SLC5A5: variants seen among roughly 807,000 people sequenced by gnomAD.
The protein encoded by SLC5A5 is sodium/iodide cotransporter.
A neutral mutation model predicts 68.6 loss-of-function variants in SLC5A5; 56 were observed. That is an observed-to-expected ratio of 0.82 (90% CI 0.66 to 1.02). SLC5A5 has a LOEUF of 1.02. SLC5A5 is among the 50% of genes least tolerant of loss of function. The probability of loss-of-function intolerance (pLI) is 0.00; values close to 1 mark genes in which losing one functional copy is unlikely to be tolerated. For synonymous variants in SLC5A5, 398 were observed against 373.0 expected (o/e 1.07, Z -0.77); for missense variants, 807 against 859.8 (o/e 0.94, Z 0.77).
rs141982513 is a variant in SLC5A5 at position 17,880,744 on chromosome 19, T to C, written c.970-121T>C. The stretch of plus-strand genomic sequence containing the variant: ...ACCACAGACAAAAACTAAATGCATA[T>C]TAAATGCCGACTCTGAGCCCTGTCC... On this transcript the variant is annotated intron_variant, in intron 7 of 14. Coordinates refer to ENST00000222248, the MANE Select transcript of SLC5A5 (RefSeq NM_000453.3). The C allele has an allele frequency of 1.3e-4, 101 of 763,302 alleles. 1 individual carries two copies. In the East Asian group the frequency reaches 2.5e-3, roughly 19 times the overall value. 47.3% of individuals were successfully genotyped at this position (763,302 alleles called of 1,614,324 possible).
chr19:17,884,045 A>G lies in SLC5A5; in HGVS notation c.1525A>G (p.Ser509Gly). 3 of 1,560,910 alleles carry G rather than the reference A, an allele frequency of 1.9e-6. No individual in the cohort carries two copies. The highest frequency in any genetic ancestry group is 2.6e-6 in the Non-Finnish European group (3 of 1,155,746). Reference sequence around the variant, plus strand: ...TGCTAACGACTCCAGCAGGGCCCCCAGGTGAGCAGACTTGAGGGTAGGGGG... The same window carrying G: ...TGCTAACGACTCCAGCAGGGCCCCCGGGTGAGCAGACTTGAGGGTAGGGGG... Reference protein sequence around the residue: ...LPANDSSRAPSSGMDASRPAL... With the variant: ...LPANDSSRAPGSGMDASRPAL... The change falls in exon 12 of 15, where the codon AGC becomes GGC. Residue 509 changes from serine to glycine, a missense_variant and splice_region_variant. Coordinates refer to ENST00000222248, the MANE Select transcript of SLC5A5 (RefSeq NM_000453.3).
At chr19:17,887,987 A>G (rs916410471) in intron 12 of SLC5A5, among the ~76,000 whole-genome samples, 2 of 152,134 alleles carry the variant, frequency 1.3e-5, no homozygotes, top group East Asian at 1.9e-4. Flanking sequence ...CTAAGAAACA[A>G]TTGCAGTCAC....
At chr19:17,880,470 C>T (rs1274438418) in intron 7 of SLC5A5, among the ~76,000 whole-genome samples, 1 of 152,200 alleles carries the variant, frequency 6.6e-6, no homozygotes, top group African/African-American at 2.4e-5. Context: ...CCGCCTCGGC[C>T]TCCCGAAGTG....
rs1309373113 is a variant in SLC5A5, at chr19:17,878,089, A to T, written c.965A>T (p.Asp322Val). The change falls in exon 7 of 15, where the codon GAC becomes GTC. Residue 322 changes from aspartate (D) to valine (V), a missense_variant. Transcript: ENST00000222248. ...PLLLGRISAP[D>V]QYMPLLVLDI... is the part of the protein sequence containing the mutation. ...CTCCTGGGGCGCATCTCTGCCCCAGACCAGGTGAGTCCCACCCAGGCTCCT... is the reference window on the plus strand; with the variant it reads ...CTCCTGGGGCGCATCTCTGCCCCAGTCCAGGTGAGTCCCACCCAGGCTCCT... The T allele has an allele frequency of 5.0e-6, 8 of 1,610,990 alleles. No homozygotes were observed. The highest frequency in any genetic ancestry group is 6.8e-6 in the Non-Finnish European group (8 of 1,180,008).
At chr19:17,886,173 G>T (rs1381675724) in intron 12 of SLC5A5, among the ~76,000 whole-genome samples, 3 of 148,896 alleles carry the variant, frequency 2.0e-5, no homozygotes, top group Non-Finnish European at 4.5e-5. Flanking sequence ...TCCAGTCTGG[G>T]TAACAGAGTG....
chr19:17,872,345 G>A lies in SLC5A5; in HGVS notation c.26G>A (p.Arg9Gln). The change falls in exon 1 of 15, where the codon CGG (arginine) becomes CAG (glutamine). Residue 9 changes from arginine (R) to glutamine (Q), a missense_variant. Coordinates refer to ENST00000222248, the MANE Select transcript of SLC5A5 (RefSeq NM_000453.3). Reference protein sequence around the residue: MEAVETGERPTFGAWDYGV... With the variant: MEAVETGEQPTFGAWDYGV... ...ATGGAGGCCGTGGAGACCGGGGAAC[G>A]GCCCACCTTCGGAGCCTGGGACTAC... 2 of 1,584,044 alleles carry A rather than the reference G, an allele frequency of 1.3e-6. No individual in the cohort carries two copies. Among genetic ancestry groups the A allele is most frequent in the Non-Finnish European group, 8.6e-7 (1 of 1,165,998 alleles).
At position 17,894,143 on chromosome 19, in the gene SLC5A5, C is replaced by CTT. The variant is rs772763011; in HGVS notation, c.*287_*288dup. 0.012 allele frequency: 3,044 copies of CTT among 262,246 alleles called. 122 individuals carry two copies. The highest frequency in any genetic ancestry group is 0.065 in the African/African-American group (2,131 of 32,950). The allele number at this position is 262,246 out of a possible 1,614,324, so 16.2% of individuals were successfully genotyped here. A position where few individuals can be genotyped will look rare whatever the true frequency, so the allele number is the denominator to read the frequency against. On this transcript the variant is annotated 3_prime_UTR_variant, in exon 15 of 15. Transcript: ENST00000222248. ...AATAAGGCTGGGTTTTTCTCTCTCTCTTTTTTTTTTTTTTTTTTTTTTGAG... is the reference window on the plus strand; with the variant it reads ...AATAAGGCTGGGTTTTTCTCTCTCTCTTTTTTTTTTTTTTTTTTTTTTTTGAG...
rs1423833979 is a variant in SLC5A5, at chr19:17,875,998, T to G, written c.590T>G (p.Val197Gly). The change falls in exon 5 of 15, where the codon GTG (valine) becomes GGG (glycine). Residue 197 changes from valine to glycine, a missense_variant. By Grantham distance (109) the Val-to-Gly change is moderately radical (BLOSUM62 -3). Coordinates refer to ENST00000222248, the MANE Select transcript of SLC5A5 (RefSeq NM_000453.3). ...TGGACTGATGTGTTCCAGGTCGTGG[T>G]GATGCTAAGTGGCTTCTGGGTTGTC... ...VVWTDVFQVV[V>G]MLSGFWVVLA... The G allele has an allele frequency of 6.2e-7, 1 of 1,614,146 alleles. No homozygotes were observed. The highest frequency in any genetic ancestry group is 8.5e-7 in the Non-Finnish European group (1 of 1,180,012).
In SLC5A5 at chr19:17,894,143, CTTTTTTTTTT is replaced by C. The variant is rs772763011; in HGVS notation, c.*279_*288del. 8.4e-4 allele frequency: 221 copies of C among 263,128 alleles called. 1 individual carries two copies. Among genetic ancestry groups the C allele is most frequent in the Middle Eastern group, 5.4e-3 (4 of 738 alleles). 16.3% of individuals were successfully genotyped at this position (263,128 alleles called of 1,614,324 possible). On this transcript the variant is annotated 3_prime_UTR_variant, in exon 15 of 15. Transcript: ENST00000222248. ...AATAAGGCTGGGTTTTTCTCTCTCT[CTTTTTTTTTT>C]TTTTTTTTTTTTGAGACAGGGTCAT...
chr19:17,884,008 G>T lies in SLC5A5; in HGVS notation c.1488G>T (p.Pro496=). The T allele has an allele frequency of 1.3e-6, 2 of 1,572,950 alleles. No homozygotes were observed. The highest frequency in any genetic ancestry group is 1.2e-5 in the South Asian group (1 of 85,980). Residue 496 remains proline (P), a synonymous_variant, in exon 12 of 15, where the codon CCG becomes CCT. Coordinates refer to ENST00000222248, the MANE Select transcript of SLC5A5 (RefSeq NM_000453.3). ...TCAACGCCTCTGGCCTCCTGGACCC[G>T]GCTCTCCTCCCTGCTAACGACTCCA... The part of the protein sequence containing the change: ...LSVNASGLLD[P]ALLPANDSSR...
In SLC5A5 at chr19:17,894,015, A is replaced by AC. The variant is rs2030309601; in HGVS notation, c.*141dup. 5 of 846,004 alleles carry AC rather than the reference A, an allele frequency of 5.9e-6. No homozygotes were observed. In the Admixed American group the frequency reaches 9.0e-5, roughly 15 times the overall value. 52.4% of individuals were successfully genotyped at this position (846,004 alleles called of 1,614,324 possible). A position where few individuals can be genotyped will look rare whatever the true frequency, so the allele number is the denominator to read the frequency against. ...AATGAGTTCAGGACTACAATACCCT[A>AC]CCCTATGGGGAGGCCCTGCCTCCGG... On this transcript the variant is annotated 3_prime_UTR_variant, in exon 15 of 15. Transcript: ENST00000222248.
intron 12 of SLC5A5, among the ~76,000 whole-genome samples, chr19:17,886,851 C>G (rs2029941267): frequency 6.6e-6 from 1 of 152,130 alleles, no homozygotes; most frequent in Admixed American, 6.6e-5. Flanking sequence ...GGAGAAATGT[C>G]TATTCAAACC....
Position 17,887,541 on chromosome 19 carries a change from C to T in SLC5A5, c.1527-790C>T, listed in dbSNP as rs571293937. On this transcript the variant is annotated intron_variant, in intron 12 of 14. Transcript: ENST00000222248. ...ACTCCTGACCTCAGCCTGCCTCAGC[C>T]TCCCAAAGTGCTAGGATTACAGGCA... Among the ~76,000 whole-genome samples, 13 of 151,816 alleles carry T rather than the reference C, an allele frequency of 8.6e-5. No homozygotes were observed. In the East Asian group the frequency reaches 2.5e-3, roughly 29 times the overall value.
rs1325497143 is a variant in SLC5A5, at chr19:17,894,148, T to C, written c.*271T>C. The C allele has an allele frequency of 3.2e-6, 1 of 308,612 alleles. No individual in the cohort carries two copies. Among genetic ancestry groups the C allele is most frequent in the Non-Finnish European group, 6.1e-6 (1 of 164,434 alleles). 19.1% of individuals were successfully genotyped at this position (308,612 alleles called of 1,614,324 possible). ...GGCTGGGTTTTTCTCTCTCTCTTTT[T>C]TTTTTTTTTTTTTTTTTGAGACAGG... On this transcript the variant is annotated 3_prime_UTR_variant, in exon 15 of 15. Coordinates refer to ENST00000222248, the MANE Select transcript of SLC5A5 (RefSeq NM_000453.3).
intron 12 of SLC5A5, 93 bp from the exon 13 acceptor site, chr19:17,888,238 G>C: frequency 6.7e-7 from 1 of 1,487,814 alleles, no homozygotes; most frequent in Non-Finnish European, 9.3e-7. Flanking sequence ...CATGGCAGTT[G>C]GGGGAAGGAA....
chr19:17,872,754 TTGGGCCGC>T, intron 1 of SLC5A5, 78 bp downstream of exon 1: 1 of 953,590 alleles, frequency 1.0e-6, no homozygotes, highest in Admixed American at 1.8e-5. Context: ...CGCTGGGGCT[TTGGGCCGC>T]TGTACAGGAG....
chr19:17,874,070 C>A, intron 1 of SLC5A5, 68 bp from the exon 2 acceptor site: 1 of 1,141,758 alleles, frequency 8.8e-7, no homozygotes, highest in Non-Finnish European at 1.3e-6. Flanking sequence ...AGAGAGCAGA[C>A]CAGGGACCCG....
intron 12 of SLC5A5, among the ~76,000 whole-genome samples, 157 bp downstream of exon 12, chr19:17,884,203 G>A (rs59022063): frequency 0.017 from 2,630 of 152,294 alleles, 79 homozygotes; most frequent in African/African-American, 0.06. Context: ...GCCACAATCG[G>A]GTTAGTCCCA....
In SLC5A5 at chr19:17,882,882, A is replaced by C. The variant is rs11882841; in HGVS notation, c.1242+663A>C. ...GTATTTTTAGTAGAGATGGGGTTTC[A>C]CCGTGTTAGCCAGGATGGTCTCGAT... On this transcript the variant is annotated intron_variant, in intron 10 of 14. Coordinates refer to ENST00000222248, the MANE Select transcript of SLC5A5 (RefSeq NM_000453.3). 1.8e-3 allele frequency among the ~76,000 whole-genome samples: 269 copies of C among 147,066 alleles called. 3 individuals carry two copies. The highest frequency in any genetic ancestry group is 6.5e-3 in the African/African-American group (266 of 41,058).
Sources: allele counts gnomAD v4.1 joint callset (sites outside exome capture counted in the v4.1 genomes callset), GRCh38; gene constraint gnomAD v4.1.1; transcripts MANE v1.5; gene names NCBI Gene and HGNC (gene_info 2026-07-23, HGNC 2026-07-21).